Variants in RASGRP3 observed in about 807,000 individuals in gnomAD.
RASGRP3 encodes the protein RAS guanyl releasing protein 3.
Under a neutral mutation model 82.7 loss-of-function variants are expected in RASGRP3, and 54 were observed. The observed-to-expected ratio is 0.65, with a 90% CI of 0.52 to 0.82. The LOEUF is 0.82. Ranked by LOEUF, RASGRP3 falls within the 40% of genes least tolerant of loss-of-function variation. The pLI is 0.00. For missense variants in RASGRP3, 861 were observed against 828.9 expected (o/e 1.04, Z -0.48); for synonymous variants, 309 against 300.5 (o/e 1.03, Z -0.29).
At chr2:33,458,573 G>A (rs979423893) in intron 2 of RASGRP3, among the ~76,000 whole-genome samples, 3 of 152,204 alleles carry the variant, frequency 2.0e-5, no homozygotes, top group African/African-American at 7.2e-5. Flanking sequence ...GAGGAGTATA[G>A]CTGTAGACAC....
At chr2:33,543,988 C>A (rs1370345520) in intron 13 of RASGRP3, among the ~76,000 whole-genome samples, 1 of 152,058 alleles carries the variant, frequency 6.6e-6, no homozygotes, top group Non-Finnish European at 1.5e-5. Context: ...AATTAGTGCA[C>A]CTGGAAGCAA....
At chr2:33,450,187 A>G (rs574975410) in intron 2 of RASGRP3, among the ~76,000 whole-genome samples, 1 of 152,222 alleles carries the variant, frequency 6.6e-6, no homozygotes, top group Non-Finnish European at 1.5e-5. Context: ...TTACAAAAAG[A>G]TCAAATCACC....
Position 33,450,818 on chromosome 2 carries a change from CTTTCTTTTTTTTTTTT to C in RASGRP3, c.-261+2879_-261+2894del, listed in dbSNP as rs1300015972. On this transcript the variant is annotated intron_variant, in intron 2 of 18. Transcript: ENST00000402538. The stretch of plus-strand genomic sequence containing the variant: ...CTTTTCTTTCTTTTTCTCTTTCTTT[CTTTCTTTTTTTTTTTT>C]TTTTTTTTTTTTTTTTTTTTTGAGA... Among the ~76,000 whole-genome samples, 258 of 43,404 alleles carry C rather than the reference CTTTCTTTTTTTTTTTT, an allele frequency of 5.9e-3. 4 individuals carry two copies. Among genetic ancestry groups the C allele is most frequent in the Admixed American group, 0.019 (57 of 3,038 alleles). The allele number at this position is 43,404 out of a possible 152,430, so 28.5% of individuals were successfully genotyped here.
At chr2:33,509,077 G>A (rs954231490) in intron 1 of RASGRP3, among the ~76,000 whole-genome samples, 2 of 152,132 alleles carry the variant, frequency 1.3e-5, no homozygotes, top group African/African-American at 4.8e-5. Context: ...ATGGTGAAGA[G>A]GACGTTAAGA....
In RASGRP3 at chr2:33,552,996, C is replaced by T. The variant is rs142149457; in HGVS notation, c.1543-2535C>T. Among the ~76,000 whole-genome samples, 315 of 152,278 alleles carry T rather than the reference C, an allele frequency of 2.1e-3. 2 individuals carry two copies. Among genetic ancestry groups the T allele is most frequent in the African/African-American group, 7.1e-3 (296 of 41,560 alleles). ...TACTGTTCTTGGCAGGCACACTGAC[C>T]CAGTGCCTCTTCCTAGCTACTGTTT... On this transcript the variant is annotated intron_variant, in intron 14 of 17. Coordinates refer to ENST00000403687, the MANE Select transcript of RASGRP3 (RefSeq NM_001139488.2).
chr2:33,526,944 G>A (rs1406384539), intron 9 of RASGRP3, among the ~76,000 whole-genome samples, 193 bp from the exon 10 acceptor site: 5 of 152,146 alleles, frequency 3.3e-5, no homozygotes, highest in African/African-American at 9.7e-5. Flanking sequence ...AATGGAACAG[G>A]CTGCTCAATG....
At chr2:33,472,475 G>A (rs114873044), upstream of RASGRP3, among the ~76,000 whole-genome samples, 1,482 of 152,252 alleles carry the variant, frequency 9.7e-3, 17 homozygotes, top group African/African-American at 0.033. Flanking sequence ...GGAAATCACC[G>A]CAGACCTTCA....
intron 17 of RASGRP3, among the ~76,000 whole-genome samples, chr2:33,562,491 G>T (rs967138340): frequency 4.6e-5 from 7 of 151,810 alleles, no homozygotes; most frequent in African/African-American, 1.7e-4. Flanking sequence ...GGCTGGTCTT[G>T]AACTCCTGGC....
At chr2:33,553,876 C>T (rs1164855930) in intron 14 of RASGRP3, among the ~76,000 whole-genome samples, 1 of 152,128 alleles carries the variant, frequency 6.6e-6, no homozygotes, top group Non-Finnish European at 1.5e-5. Flanking sequence ...ATAGCTGGGA[C>T]TATAGGCACA....
At position 33,455,634 on chromosome 2, in the gene RASGRP3, C is replaced by A. The variant is rs62147119; in HGVS notation, c.-261+7691C>A. On this transcript the variant is annotated intron_variant, in intron 2 of 18. Transcript: ENST00000402538. ...GCAGACCGCCCGAGGAGCCATGTGG[C>A]CTACTTTTGGAATAAGACTGAAGGA... Among the ~76,000 whole-genome samples the A allele has an allele frequency of 9.0e-3, 1,372 of 152,342 alleles. 12 individuals carry two copies. Among genetic ancestry groups the A allele is most frequent in the Middle Eastern group, 0.078 (23 of 294 alleles).
At chr2:33,530,235 T>G (rs115227757) in intron 10 of RASGRP3, among the ~76,000 whole-genome samples, 1,846 of 152,290 alleles carry the variant, frequency 0.012, 41 homozygotes, top group African/African-American at 0.041. Flanking sequence ...GTGATTGTTT[T>G]CATCTAAACA....
chr2:33,547,053 GA>G (rs767124838), intron 13 of RASGRP3, among the ~76,000 whole-genome samples: 2,151 of 123,812 alleles, frequency 0.017, 50 homozygotes, highest in African/African-American at 0.046. Context: ...CTGTCTCAGG[GA>G]AAAAAAAAAA....
chr2:33,465,673 C>G (rs1370464868), intron 2 of RASGRP3, among the ~76,000 whole-genome samples: 1 of 152,186 alleles, frequency 6.6e-6, no homozygotes, highest in Non-Finnish European at 1.5e-5. Context: ...CGTAGTTGAA[C>G]CAGCCTTAAA....
At chr2:33,526,859 A>G (rs1360223242) in intron 9 of RASGRP3, among the ~76,000 whole-genome samples, 2 of 152,230 alleles carry the variant, frequency 1.3e-5, no homozygotes, top group Non-Finnish European at 2.9e-5. Context: ...ACACTTAAGT[A>G]TACATGATGC....
intron 13 of RASGRP3, among the ~76,000 whole-genome samples, chr2:33,544,709 C>G (rs374510561): frequency 1.3e-4 from 20 of 152,216 alleles, no homozygotes; most frequent in Middle Eastern, 3.4e-3. Context: ...AAAACGAAAT[C>G]TGGAGCCGGA....
intron 1 of RASGRP3, chr2:33,447,780 T>C (rs1665582172): frequency 6.6e-6 from 1 of 152,224 alleles, no homozygotes; most frequent in Non-Finnish European, 1.5e-5. Flanking sequence ...AATGAATGCA[T>C]CCTTCTTCAA....
chr2:33,499,773 A>AAAAGAG (rs1440922139), intron 1 of RASGRP3, among the ~76,000 whole-genome samples: 106 of 135,724 alleles, frequency 7.8e-4, no homozygotes, highest in Middle Eastern at 7.5e-3. Flanking sequence ...CAAAAAAAAA[A>AAAAGAG]AGAGAGGATA....
At position 33,477,411 on chromosome 2, in the gene RASGRP3, C is replaced by T. The variant is rs1026213283; in HGVS notation, c.-261+704C>T. Among the ~76,000 whole-genome samples, 8 of 152,276 alleles carry T rather than the reference C, an allele frequency of 5.3e-5. No individual in the cohort carries two copies. The South Asian group carries it at 1.0e-3, about 20-fold the overall frequency. On this transcript the variant is annotated intron_variant, in intron 1 of 17. Transcript: ENST00000403687. ...TCAGTTGCCCCTGGTCTTCCTTCAC[C>T]TTCATTACTTTAAAATGTTCGGTTG...
chr2:33,546,893 C>A (rs541121834), intron 13 of RASGRP3, among the ~76,000 whole-genome samples: 4 of 151,786 alleles, frequency 2.6e-5, no homozygotes, highest in Non-Finnish European at 5.9e-5. Context: ...ATGGAGAAAC[C>A]CCATCTCTAC....
Sources: allele counts gnomAD v4.1 joint callset (sites outside exome capture counted in the v4.1 genomes callset), GRCh38; gene constraint gnomAD v4.1.1; transcripts MANE v1.5; gene names NCBI Gene and HGNC (gene_info 2026-07-23, HGNC 2026-07-21).